The following ANKRD55 variants were observed in gnomAD, a reference collection of about 807,000 sequenced individuals.
The protein encoded by ANKRD55 is ankyrin repeat domain 55.
Under a neutral mutation model 60.6 loss-of-function variants are expected in ANKRD55, and 41 were observed. The observed-to-expected ratio is 0.68, with a 90% CI of 0.53 to 0.88. The LOEUF (loss-of-function observed/expected upper bound fraction) is 0.88. Among genes scored for constraint, ANKRD55 ranks in the 40% least tolerant of loss-of-function variants. The pLI is 0.00. For synonymous variants in ANKRD55, 264 were observed against 290.3 expected, an observed-to-expected ratio of 0.91 and a Z score of 0.92; for missense variants, 732 against 767.6, an observed-to-expected ratio of 0.95 and a Z score of 0.55.
chr5:56,109,208 G>A (rs936471555), intron 10 of ANKRD55, among the ~76,000 whole-genome samples: 7 of 152,142 alleles, frequency 4.6e-5, no homozygotes, highest in African/African-American at 1.4e-4. Flanking sequence ...ACTGAAAGAT[G>A]TTTATAAAGC....
chr5:56,146,367 T>G (rs1757896078), intron 6 of ANKRD55, among the ~76,000 whole-genome samples: 1 of 151,610 alleles, frequency 6.6e-6, no homozygotes, highest in Non-Finnish European at 1.5e-5. Flanking sequence ...TCACTGCAAC[T>G]GCCACCTCCC....
chr5:56,138,028 C>A lies in ANKRD55; in HGVS notation c.612+5773G>T, dbSNP rs115073475. Among the ~76,000 whole-genome samples the A allele has an allele frequency of 6.0e-3, 913 of 152,102 alleles. 16 individuals are homozygous for A. Among genetic ancestry groups the A allele is most frequent in the African/African-American group, 0.021 (877 of 41,500 alleles). On this transcript the variant is annotated intron_variant, in intron 7 of 11. Coordinates refer to ENST00000341048, the MANE Select transcript of ANKRD55 (RefSeq NM_024669.3). ...AATCCAGAACACTGACAATACCAAACGCTGGTGAGGATAATGAACAACAGG... is the reference window on the plus strand; with the variant it reads ...AATCCAGAACACTGACAATACCAAAAGCTGGTGAGGATAATGAACAACAGG...
At position 56,170,800 on chromosome 5, in the gene ANKRD55, A is replaced by C; in HGVS notation, c.316T>G (p.Trp106Gly). 2 of 1,614,066 alleles carry C rather than the reference A, an allele frequency of 1.2e-6. No homozygotes were observed. Among genetic ancestry groups the C allele is most frequent in the Non-Finnish European group, 1.7e-6 (2 of 1,179,948 alleles). ...TSLCLATYLGWLEGCVSLLRN... is the reference protein window; with the variant it reads ...TSLCLATYLGGLEGCVSLLRN... ...AGTAGACTCACACAGCCTTCAAGCC[A>C]GCCCTGAAATACAAGAGCAACCACA... Residue 106 changes from tryptophan to glycine, a missense_variant, in exon 5 of 12, where the codon TGG becomes GGG. Physicochemically the swap from Trp to Gly is radical, Grantham distance 184 (BLOSUM62 -2). This residue lies in a region of ANKRD55 where 131 missense variants were observed against 142.7 expected (regional missense o/e 0.92). Coordinates refer to ENST00000341048, the MANE Select transcript of ANKRD55 (RefSeq NM_024669.3).
chr5:56,112,511 A>AAAAAAAAACAAAAAAACAAAAAAAAAAAC, intron 9 of ANKRD55, among the ~76,000 whole-genome samples: 1 of 81,528 alleles, frequency 1.2e-5, no homozygotes, highest in East Asian at 2.5e-4. Context: ...TAGCAAAAAA[A>AAAAAAAAACAAAAAAACAAAAAAAAAAAC]AAAAAAAAAA....
At chr5:56,231,650 C>T (rs71624124) in intron 2 of ANKRD55, among the ~76,000 whole-genome samples, 3 of 113,316 alleles carry the variant, frequency 2.6e-5, no homozygotes, top group Non-Finnish European at 3.8e-5. Flanking sequence ...GTTCTGAAGG[C>T]GCGCACACAC....
chr5:56,181,985 T>G (rs1472223249), intron 3 of ANKRD55, among the ~76,000 whole-genome samples: 1 of 150,516 alleles, frequency 6.6e-6, no homozygotes, highest in Non-Finnish European at 1.5e-5. Context: ...TATAGGCTTA[T>G]TTTTTTTTTA....
At chr5:56,166,915 G>C (rs1484716121) in intron 5 of ANKRD55, among the ~76,000 whole-genome samples, 1 of 152,146 alleles carries the variant, frequency 6.6e-6, no homozygotes, top group Admixed American at 6.5e-5. Flanking sequence ...TTCTTATAAG[G>C]CTTCTCAACG....
intron 10 of ANKRD55, among the ~76,000 whole-genome samples, chr5:56,109,611 T>G (rs2111670271): frequency 6.6e-6 from 1 of 152,074 alleles, no homozygotes; most frequent in East Asian, 1.9e-4. Context: ...GTTCTGAGAT[T>G]ACAAGTGTGA....
intron 7 of ANKRD55, among the ~76,000 whole-genome samples, chr5:56,136,624 T>C (rs756129018): frequency 1.3e-5 from 2 of 152,006 alleles, no homozygotes; most frequent in Non-Finnish European, 1.5e-5. Flanking sequence ...GACCTAAATG[T>C]AAAACCTAAA....
intron 2 of ANKRD55, among the ~76,000 whole-genome samples, chr5:56,188,781 A>C (rs983748821): frequency 2.0e-5 from 3 of 152,160 alleles, no homozygotes; most frequent in Non-Finnish European, 4.4e-5. Flanking sequence ...ATTTACATAG[A>C]TTTTGTGTAT....
chr5:56,171,219 C>G (rs1443511622), intron 4 of ANKRD55, among the ~76,000 whole-genome samples: 2 of 152,302 alleles, frequency 1.3e-5, no homozygotes, highest in Non-Finnish European at 2.9e-5. Flanking sequence ...AGCAGTCTAA[C>G]CTGAGCTCCA....
At chr5:56,149,470 T>A (rs1757987406) in intron 6 of ANKRD55, among the ~76,000 whole-genome samples, 1 of 152,156 alleles carries the variant, frequency 6.6e-6, no homozygotes, top group South Asian at 2.1e-4. Context: ...AGGAGCCAAT[T>A]CTAACAAGAA....
chr5:56,159,808 CT>C lies in ANKRD55; in HGVS notation c.483+24del. The C allele has an allele frequency of 1.9e-6, 3 of 1,612,476 alleles. No individual in the cohort carries two copies. In the Middle Eastern group the frequency reaches 5.0e-4, roughly 270 times the overall value. On this transcript the variant is annotated intron_variant, in intron 6 of 11. Transcript: ENST00000341048. ...TTCACCCTCACATGCAAAATGACCA[CT>C]TGTTGCTTGAGAGTGTGGCTCACCT...
intron 6 of ANKRD55, among the ~76,000 whole-genome samples, chr5:56,153,289 C>T (rs78221555): frequency 0.027 from 4,011 of 150,914 alleles, 174 homozygotes; most frequent in African/African-American, 0.091. Flanking sequence ...ACAACAACAA[C>T]GACACGCAGC....
At chr5:56,215,482 T>C (rs1189449667) in intron 2 of ANKRD55, among the ~76,000 whole-genome samples, 1 of 152,224 alleles carries the variant, frequency 6.6e-6, no homozygotes, top group Admixed American at 6.5e-5. Context: ...TGATGGCTGT[T>C]GTCCCTGCCA....
intron 2 of ANKRD55, among the ~76,000 whole-genome samples, chr5:56,199,146 TAAA>T (rs1473385182): frequency 6.6e-6 from 1 of 152,034 alleles, no homozygotes; most frequent in Non-Finnish European, 1.5e-5. Flanking sequence ...AGAGTTGAAA[TAAA>T]AACTTTAACA....
chr5:56,154,242 A>T (rs886955555), intron 6 of ANKRD55, among the ~76,000 whole-genome samples: 1 of 149,080 alleles, frequency 6.7e-6, no homozygotes, highest in Non-Finnish European at 1.5e-5. Context: ...GAACACATAG[A>T]GTGGTACCTT....
chr5:56,102,157 T>C (rs318817), intron 11 of ANKRD55, among the ~76,000 whole-genome samples: 28,107 of 151,580 alleles, frequency 0.19, 3,121 homozygotes, highest in Middle Eastern at 0.36. Context: ...GAGGCCGAGG[T>C]GGGTGGATCA....
chr5:56,159,291 A>G (rs921621030), intron 6 of ANKRD55, among the ~76,000 whole-genome samples: 1 of 152,174 alleles, frequency 6.6e-6, no homozygotes, highest in African/African-American at 2.4e-5. Flanking sequence ...GAGAAACCCC[A>G]TCTCTACTAA....
Sources: allele counts gnomAD v4.1 joint callset (sites outside exome capture counted in the v4.1 genomes callset), GRCh38; gene constraint gnomAD v4.1.1; regional missense constraint gnomAD v4.1.1; transcripts MANE v1.5; gene names NCBI Gene and HGNC (gene_info 2026-07-23, HGNC 2026-07-21).